Variants in SPTBN5 observed in about 807,000 individuals in gnomAD.
SPTBN5 encodes spectrin beta chain, non-erythrocytic 5.
A neutral mutation model predicts 477.6 loss-of-function variants in SPTBN5; 513 were observed. That is an observed-to-expected ratio of 1.07 (90% CI 1.00 to 1.16). SPTBN5 has a LOEUF of 1.16. SPTBN5 is among the 50% of genes most tolerant of loss of function. SPTBN5 has a pLI of 0.00. For synonymous variants in SPTBN5, 2,169 were observed against 2,011.7 expected, an observed-to-expected ratio of 1.08 and a Z score of -2.09; for missense variants, 5,062 against 4,731.8, an observed-to-expected ratio of 1.07 and a Z score of -2.05.
intron 36 of SPTBN5, 166 bp from the exon 37 acceptor site, chr15:41,866,659 G>A: frequency 2.3e-6 from 2 of 882,782 alleles, no homozygotes; most frequent in Non-Finnish European, 3.3e-6. Flanking sequence ...GCTGCAGGAG[G>A]CAGCCGGGCA....
In SPTBN5 at chr15:41,851,109, C is replaced by T; in HGVS notation, c.10785G>A (p.Arg3595=). 3.1e-6 allele frequency: 5 copies of T among 1,613,274 alleles called. No homozygotes were observed. Among genetic ancestry groups the T allele is most frequent in the Non-Finnish European group, 4.2e-6 (5 of 1,179,828 alleles). Residue 3595 remains arginine, a synonymous_variant, in exon 65 of 68, where the codon CGG becomes CGA. Transcript: ENST00000320955. ...SIALLDLTGA[R]CERLRGRHGR... ...CGTGGCGGCCCCGCAGCCTCTCACA[C>T]CGGGCTCCCGTGAGGTCAAGGAGGG...
At chr15:41,855,101 A>G (rs1190958660) in intron 55 of SPTBN5, 123 bp downstream of exon 55, 2 of 1,428,318 alleles carry the variant, frequency 1.4e-6, no homozygotes, top group Admixed American at 4.8e-5. Flanking sequence ...AACCATCGGG[A>G]TCCTCCCTAG....
rs766079549 is a variant in SPTBN5 at position 41,882,157 on chromosome 15, G to A, written c.2248-12C>T. 1 of 1,560,214 alleles carries A rather than the reference G, an allele frequency of 6.4e-7. No homozygotes were observed. Among genetic ancestry groups the A allele is most frequent in the East Asian group, 2.4e-5 (1 of 42,258 alleles). ...GCGTCCGCGAAGTACTGTGGGAGGG[G>A]GTCGGGGGTGGTGTGGGTGAAGGGG... On this transcript the variant is annotated splice_polypyrimidine_tract_variant and intron_variant, in intron 11 of 67. Transcript: ENST00000320955.
intron 3 of SPTBN5, among the ~76,000 whole-genome samples, chr15:41,891,912 T>C (rs1406983872): frequency 6.6e-6 from 1 of 152,188 alleles, no homozygotes; most frequent in African/African-American, 2.4e-5. Flanking sequence ...ATATTAAAGC[T>C]TGGGGAGAGC....
rs771730895 is a variant in SPTBN5 at position 41,875,534 on chromosome 15, A to AAAGCTTCC, written c.4203_4210dup (p.Leu1404TrpfsTer4). On this transcript the variant is annotated frameshift_variant, in exon 22 of 68. Coordinates refer to ENST00000320955, the MANE Select transcript of SPTBN5 (RefSeq NM_016642.4). LOFTEE classifies it high-confidence loss of function. Reference sequence around the variant, plus strand: ...CCCACGCTCAGTCATCTTGCGGTTCAAAGCTTCCCACTTGCTTCTCAGGCC... The same window carrying AAAGCTTCC: ...CCCACGCTCAGTCATCTTGCGGTTCAAAGCTTCCAAGCTTCCCACTTGCTTCTCAGGCC... 3.1e-6 allele frequency: 5 copies of AAAGCTTCC among 1,611,920 alleles called. No homozygotes were observed. The highest frequency in any genetic ancestry group is 3.3e-5 in the Admixed American group (2 of 59,768).
In SPTBN5 at chr15:41,852,866, C is replaced by T. The variant is rs1365935140; in HGVS notation, c.10305G>A (p.Trp3435Ter). Reference protein sequence around the residue: ...LRQRLEQAEAWLACWEGLLLK... With the variant: ...LRQRLEQAEA ...GCAGGAGTCCCTCCCAGCAGGCCAGCCAGGCCTCAGCCTGCTCCAGCCTCT... is the reference window on the plus strand; with the variant it reads ...GCAGGAGTCCCTCCCAGCAGGCCAGTCAGGCCTCAGCCTGCTCCAGCCTCT... Residue 3435 changes from tryptophan to a stop codon, truncating the protein, a stop_gained, in exon 60 of 68, where the codon TGG (tryptophan) becomes TGA (stop). Coordinates refer to ENST00000320955, the MANE Select transcript of SPTBN5 (RefSeq NM_016642.4). LOFTEE classifies it high-confidence loss of function. 32 of 1,607,772 alleles carry T rather than the reference C, an allele frequency of 2.0e-5. No homozygotes were observed. Among genetic ancestry groups the T allele is most frequent in the Non-Finnish European group, 2.6e-5 (31 of 1,176,500 alleles).
At chr15:41,850,784 C>T in intron 66 of SPTBN5, 70 bp downstream of exon 66, 1 of 1,368,988 alleles carries the variant, frequency 7.3e-7, no homozygotes, top group Non-Finnish European at 1.0e-6. Flanking sequence ...ATGCATAAAA[C>T]ACTAGGGGCC....
chr15:41,862,322 A>G (rs1470588917), intron 43 of SPTBN5, 30 bp from the exon 44 acceptor site: 3 of 1,565,822 alleles, frequency 1.9e-6, no homozygotes, highest in Non-Finnish European at 2.6e-6. Flanking sequence ...GCTAGTCGTC[A>G]GGCCTTCAAA....
At chr15:41,872,171 C>T (rs1282957027) in intron 27 of SPTBN5, 131 bp downstream of exon 27, 1 of 1,242,518 alleles carries the variant, frequency 8.0e-7, no homozygotes, top group East Asian at 2.6e-5. Context: ...GAGCAACACA[C>T]ACCCTTTTCC....
rs773565544 is a variant in SPTBN5, at chr15:41,857,388, T to A, written c.8471A>T (p.Glu2824Val). The A allele has an allele frequency of 6.3e-7, 1 of 1,582,940 alleles. No homozygotes were observed. The highest frequency in any genetic ancestry group is 8.6e-7 in the Non-Finnish European group (1 of 1,164,612). ...CAGCTCCCTCTGTGTGCCCAGGAGC[T>A]CGCCCACCCCAGGCAGGGCCTGGCC... ...TVGQALPGVG[E>V]LLGTQRELEA... The change falls in exon 51 of 68, where the codon GAG becomes GTG. Residue 2824 changes from glutamate (E) to valine (V), a missense_variant. By Grantham distance (121) the Glu-to-Val change is moderately radical. Transcript: ENST00000320955.
chr15:41,868,367 G>GT, intron 33 of SPTBN5, 31 bp downstream of exon 33: 1 of 1,588,438 alleles, frequency 6.3e-7, no homozygotes. Context: ...GTCAGCTAGG[G>GT]TATGTGGGGG....
In SPTBN5 at chr15:41,867,050, C is replaced by G. The variant is rs577117420; in HGVS notation, c.6389G>C (p.Arg2130Pro). 5.8e-6 allele frequency: 9 copies of G among 1,551,894 alleles called. No individual in the cohort carries two copies. In the East Asian group the frequency reaches 7.3e-5, roughly 13 times the overall value. Residue 2130 changes from arginine (R) to proline (P), a missense_variant, in exon 36 of 68, where the codon CGC (arginine) becomes CCC (proline). Coordinates refer to ENST00000320955, the MANE Select transcript of SPTBN5 (RefSeq NM_016642.4). ...CGCCAGCTCCTTCACTCTCATCCGG[C>G]GCTGCAGCAGGATGGGAAGCCGGTC... ...VRDRLPILLQ[R>P]RMRVKELAES...
At chr15:41,857,743 C>G (rs748988508) in intron 49 of SPTBN5, 33 bp from the exon 50 acceptor site, 8 of 1,535,244 alleles carry the variant, frequency 5.2e-6, no homozygotes, top group Non-Finnish European at 6.1e-6. Context: ...ACCTTGTGGA[C>G]TCAGGACTGC....
rs754535210 is a variant in SPTBN5, at chr15:41,879,833, C to T, written c.2843G>A (p.Gly948Asp). The change falls in exon 15 of 68, where the codon GGC (glycine) becomes GAC (aspartate). Residue 948 changes from glycine (G) to aspartate (D), a missense_variant. By Grantham distance (94) the Gly-to-Asp change is moderately conservative. Transcript: ENST00000320955. Reference sequence around the variant, plus strand: ...AGAGCTGCTGACCTCAGCCCAGAGGCCCTTTCCCACAGCCAGGGCAGTGAG... The same window carrying T: ...AGAGCTGCTGACCTCAGCCCAGAGGTCCTTTCCCACAGCCAGGGCAGTGAG... ...NFLTALAVGK[G>D]LWAEVSSSAE... is the part of the protein sequence containing the mutation. The T allele has an allele frequency of 5.0e-6, 8 of 1,613,840 alleles. No homozygotes were observed. The African/African-American group carries it at 9.3e-5, about 19-fold the overall frequency.
chr15:41,867,600 C>T lies in SPTBN5; in HGVS notation c.6250G>A (p.Val2084Ile), dbSNP rs779893574. ...TCGTGCTTGCGAATCAACTGCTCTA[C>T]CTCTTCCACCGAGCTCCCCAAGGCA... ...TSALGSSVEE[V>I]EQLIRKHEVF... The change falls in exon 35 of 68, where the codon GTA becomes ATA. Residue 2084 changes from valine to isoleucine, a missense_variant. By Grantham distance (29) the Val-to-Ile change is conservative. Coordinates refer to ENST00000320955, the MANE Select transcript of SPTBN5 (RefSeq NM_016642.4). 1.9e-6 allele frequency: 3 copies of T among 1,613,866 alleles called. No individual in the cohort carries two copies. Among genetic ancestry groups the T allele is most frequent in the Non-Finnish European group, 2.5e-6 (3 of 1,179,898 alleles).
intron 66 of SPTBN5, 71 bp from the exon 67 acceptor site, chr15:41,850,030 T>C: frequency 7.9e-7 from 1 of 1,268,432 alleles, no homozygotes; most frequent in East Asian, 2.5e-5. Context: ...TGGCTGCTCC[T>C]TCCTCCAGCT....
intron 36 of SPTBN5, 44 bp from the exon 37 acceptor site, chr15:41,866,537 A>T: frequency 6.7e-7 from 1 of 1,482,328 alleles, no homozygotes; most frequent in Non-Finnish European, 8.9e-7. Flanking sequence ...CTGCAGCCTC[A>T]GGCCCCAGAC....
chr15:41,872,536 G>A, intron 26 of SPTBN5, 77 bp from the exon 27 acceptor site: 2 of 1,453,840 alleles, frequency 1.4e-6, no homozygotes, highest in Non-Finnish European at 9.2e-7. Flanking sequence ...CACCCATCCA[G>A]TCACCAATCC....
intron 67 of SPTBN5, among the ~76,000 whole-genome samples, chr15:41,849,108 G>C (rs2065657479): frequency 6.6e-6 from 1 of 152,228 alleles, no homozygotes; most frequent in Non-Finnish European, 1.5e-5. Context: ...TCCTGGCATG[G>C]GGCCCATGCA....
Sources: gnomAD v4.1 joint callset for allele counts (sites outside exome capture counted in the v4.1 genomes callset) on GRCh38, gnomAD v4.1.1 for gene constraint, MANE v1.5 for transcripts, NCBI Gene and HGNC (gene_info 2026-07-23, HGNC 2026-07-21) for gene names.